Variants in TPPP observed in about 807,000 individuals in gnomAD.
The protein encoded by TPPP is tubulin polymerization-promoting protein.
A neutral mutation model predicts 15.5 loss-of-function variants in TPPP; 6 were observed. That is an observed-to-expected ratio of 0.39 (90% CI 0.21 to 0.77). TPPP has a LOEUF of 0.77. Among genes scored for constraint, TPPP ranks in the 30% least tolerant of loss-of-function variants. The pLI is 0.42. For missense variants in TPPP, 269 were observed against 307.2 expected (o/e 0.88, Z 0.93); for synonymous variants, 146 against 133.9 (o/e 1.09, Z -0.63).
chr5:684,663 G>A (rs1051183347), intron 1 of TPPP, among the ~76,000 whole-genome samples: 2 of 152,132 alleles, frequency 1.3e-5, no homozygotes, highest in Non-Finnish European at 2.9e-5. Context: ...AGGTGGCTCA[G>A]GTCCTGCCAT....
At chr5:683,293 A>T (rs1740676835) in intron 1 of TPPP, among the ~76,000 whole-genome samples, 1 of 63,344 alleles carries the variant, frequency 1.6e-5, no homozygotes, top group Non-Finnish European at 2.6e-5. Flanking sequence ...GCGGAGAAAG[A>T]CACTCTGATG....
At chr5:686,740 A>G (rs925918195) in intron 1 of TPPP, among the ~76,000 whole-genome samples, 5 of 147,158 alleles carry the variant, frequency 3.4e-5, no homozygotes, top group African/African-American at 9.9e-5. Context: ...GAGAGAAGAG[A>G]AGAAGGTGCT....
intron 1 of TPPP, among the ~76,000 whole-genome samples, chr5:679,248 GA>G (rs1184310393): frequency 6.6e-6 from 1 of 152,078 alleles, no homozygotes; most frequent in Non-Finnish European, 1.5e-5. Flanking sequence ...AAAACAGCCA[GA>G]AAAAAATCCA....
chr5:677,803 G>T lies in TPPP; in HGVS notation c.258C>A (p.Ile86=). The T allele has an allele frequency of 6.2e-7, 1 of 1,601,724 alleles. No individual in the cohort carries two copies. The highest frequency in any genetic ancestry group is 8.5e-7 in the Non-Finnish European group (1 of 1,172,204). The stretch of plus-strand genomic sequence containing the variant: ...CAGTGACGGTCACGTTCCTGCCGTC[G>T]ATCACCTGGCAGTCCTTGCACAGCT... ...WSKLCKDCQV[I]DGRNVTVTDV... The change falls in exon 2 of 4, where the codon ATC becomes ATA. Residue 86 remains isoleucine, a synonymous_variant. Transcript: ENST00000360578.
chr5:675,014 G>A (rs1464770585), intron 2 of TPPP, among the ~76,000 whole-genome samples: 1 of 136,398 alleles, frequency 7.3e-6, no homozygotes, highest in Non-Finnish European at 1.6e-5. Context: ...GGGGGGCACA[G>A]TGTGGCCGGG....
chr5:673,722 G>A (rs1017210842), intron 2 of TPPP, among the ~76,000 whole-genome samples: 3 of 152,174 alleles, frequency 2.0e-5, no homozygotes, highest in Non-Finnish European at 4.4e-5. Flanking sequence ...CCCACACTGG[G>A]GAGGTGAATG....
intron 2 of TPPP, chr5:667,055 C>T (rs1739946080): frequency 6.7e-6 from 1 of 149,840 alleles, no homozygotes; most frequent in African/African-American, 2.6e-5. Context: ...GACCAAGAGT[C>T]AGGGGACAAA....
intron 2 of TPPP, among the ~76,000 whole-genome samples, chr5:674,115 C>T (rs1740320883): frequency 1.3e-5 from 2 of 152,256 alleles, no homozygotes; most frequent in African/African-American, 4.8e-5. Flanking sequence ...GCTCTTCCTA[C>T]CTCCCGCCCA....
chr5:682,207 T>G (rs1191858466), intron 1 of TPPP, among the ~76,000 whole-genome samples: 1 of 147,248 alleles, frequency 6.8e-6, no homozygotes, highest in Non-Finnish European at 1.5e-5. Context: ...CGGGTGTCCA[T>G]GTGGCATCAG....
intron 1 of TPPP, among the ~76,000 whole-genome samples, chr5:688,511 A>C (rs1263509941): frequency 1.3e-5 from 2 of 152,162 alleles, no homozygotes; most frequent in African/African-American, 2.4e-5. Flanking sequence ...CTTCGACGGG[A>C]AAACGGACGG....
In TPPP at chr5:664,889, G is replaced by A. The variant is rs554675144; in HGVS notation, c.*213C>T. ...AGGCAGGTGTATTAGGAGGGTCAGCGAACTGGGGCCCAAACCTGGTTTGAG... is the reference window on the plus strand; with the variant it reads ...AGGCAGGTGTATTAGGAGGGTCAGCAAACTGGGGCCCAAACCTGGTTTGAG... On this transcript the variant is annotated 3_prime_UTR_variant, in exon 4 of 4. Coordinates refer to ENST00000360578, the MANE Select transcript of TPPP (RefSeq NM_007030.3). 8.1e-5 allele frequency: 48 copies of A among 591,914 alleles called. 1 individual carries two copies. The highest frequency in any genetic ancestry group is 1.5e-4 in the Admixed American group (5 of 32,440). The allele number at this position is 591,914 out of a possible 1,614,324, so 36.7% of individuals were successfully genotyped here. A position where few individuals can be genotyped will look rare whatever the true frequency, so the allele number is the denominator to read the frequency against.
At chr5:683,438 C>T (rs928849076) in intron 1 of TPPP, among the ~76,000 whole-genome samples, 1 of 152,226 alleles carries the variant, frequency 6.6e-6, no homozygotes, top group African/African-American at 2.4e-5. Context: ...GCCCCGCGTG[C>T]TTCTGCCTGG....
chr5:698,782 C>T, the TPPP span, among the ~76,000 whole-genome samples: 2 of 151,848 alleles, frequency 1.3e-5, no homozygotes, highest in South Asian at 2.1e-4. Flanking sequence ...ATTACGACTC[C>T]ACCAAAAAAC....
At chr5:697,354 C>G (rs373310546), upstream of TPPP, among the ~76,000 whole-genome samples, 15 of 146,446 alleles carry the variant, frequency 1.0e-4, no homozygotes, top group East Asian at 2.9e-3. Flanking sequence ...CCATCGCTAC[C>G]TCAGTTCCAC....
chr5:686,206 G>A (rs1433476012), intron 1 of TPPP, among the ~76,000 whole-genome samples: 2 of 152,336 alleles, frequency 1.3e-5, no homozygotes, highest in African/African-American at 4.8e-5. Context: ...ATCCCGGCTG[G>A]CTCATCCCAT....
In TPPP at chr5:665,276, T is replaced by C. The variant is rs375077697; in HGVS notation, c.486A>G (p.Thr162=). Residue 162 remains threonine (T), a synonymous_variant, in exon 4 of 4, where the codon ACA becomes ACG. Coordinates refer to ENST00000360578, the MANE Select transcript of TPPP (RefSeq NM_007030.3). ...TGGTGGTGTCCGTGAGCCTCGACAC[T>C]GTGGGCGACGAGATGGCTTTCTGCA... is the stretch of plus-strand genomic sequence containing the variant. The part of the protein sequence containing the change: ...SGVTKAISSP[T]VSRLTDTTKF... 6.2e-6 allele frequency: 10 copies of C among 1,613,128 alleles called. No homozygotes were observed. In the East Asian group the frequency reaches 2.2e-4, roughly 36 times the overall value.
intron 1 of TPPP, among the ~76,000 whole-genome samples, chr5:684,699 C>T (rs1740720372): frequency 1.3e-5 from 2 of 152,158 alleles, no homozygotes; most frequent in Admixed American, 6.5e-5. Context: ...CGTGCCACCC[C>T]GCCAGCCCCC....
rs1160413417 is a variant in TPPP, at chr5:661,086, AAAAT to A, written c.*4012_*4015del. On this transcript the variant is annotated 3_prime_UTR_variant, in exon 4 of 4. Coordinates refer to ENST00000360578, the MANE Select transcript of TPPP (RefSeq NM_007030.3). ...TTGCTTATCCTATAGCAGTAAATTAAAAATAAATAAGCACTCTGGCGTGAACAGT... is the reference window on the plus strand; with the variant it reads ...TTGCTTATCCTATAGCAGTAAATTAAAAATAAGCACTCTGGCGTGAACAGT... The A allele has an allele frequency of 6.6e-6, 1 of 152,376 alleles. No individual in the cohort carries two copies. The highest frequency in any genetic ancestry group is 1.5e-5 in the Non-Finnish European group (1 of 68,060). The allele number at this position is 152,376 out of a possible 1,614,324, so 9.4% of individuals were successfully genotyped here. A position where few individuals can be genotyped will look rare whatever the true frequency, so the allele number is the denominator to read the frequency against.
chr5:674,467 C>T (rs537494241), intron 2 of TPPP, among the ~76,000 whole-genome samples: 33 of 151,286 alleles, frequency 2.2e-4, no homozygotes, highest in Non-Finnish European at 3.8e-4. Flanking sequence ...CTAAATATAG[C>T]CGACCCAGTT....
Sources: gnomAD v4.1 joint callset for allele counts (sites outside exome capture counted in the v4.1 genomes callset) on GRCh38, gnomAD v4.1.1 for gene constraint, MANE v1.5 for transcripts, NCBI Gene and HGNC (gene_info 2026-07-23, HGNC 2026-07-21) for gene names.